Variants in KBTBD3 observed in about 807,000 individuals in gnomAD.
The protein encoded by KBTBD3 is kelch repeat and BTB domain-containing protein 3.
KBTBD3 carries 38 observed loss-of-function variants against 49.6 expected under a neutral mutation model. The observed-to-expected ratio is 0.77, with a 90% CI of 0.59 to 1.00. KBTBD3 has a LOEUF of 1.00. Ranked by LOEUF, KBTBD3 falls within the 50% of genes least tolerant of loss-of-function variation. The pLI, the probability that KBTBD3 is intolerant of heterozygous loss-of-function variation, is 0.00. For missense variants in KBTBD3, 661 were observed against 712.0 expected, an observed-to-expected ratio of 0.93 and a Z score of 0.81; for synonymous variants, 214 against 250.4, an observed-to-expected ratio of 0.85 and a Z score of 1.37.
chr11:106,059,864 G>C (rs1278247399), intron 2 of KBTBD3, among the ~76,000 whole-genome samples: 1 of 152,146 alleles, frequency 6.6e-6, no homozygotes, highest in East Asian at 1.9e-4. Flanking sequence ...AAAGAGGATT[G>C]GGAACTTGGA....
intron 3 of KBTBD3, among the ~76,000 whole-genome samples, chr11:106,057,132 T>C (rs1204080471): frequency 6.6e-6 from 1 of 152,146 alleles, no homozygotes; most frequent in African/African-American, 2.4e-5. Flanking sequence ...CAAGAGCCCC[T>C]ACAGGAACAG....
rs999602216 is a variant in KBTBD3 at position 106,061,194 on chromosome 11, C to T, written c.-12-2085G>A. The stretch of plus-strand genomic sequence containing the variant: ...TGCATGAAGCTTGGTTCTCCCAGAG[C>T]GGGTGTTCCAAGAGGCCTAGGTGGA... On this transcript the variant is annotated intron_variant, in intron 2 of 3. Transcript: ENST00000531837. 4.6e-5 allele frequency among the ~76,000 whole-genome samples: 7 copies of T among 152,102 alleles called. No homozygotes were observed. In the East Asian group the frequency reaches 5.8e-4, roughly 13 times the overall value.
At chr11:106,062,848 A>G (rs1426007881) in intron 2 of KBTBD3, among the ~76,000 whole-genome samples, 2 of 152,244 alleles carry the variant, frequency 1.3e-5, no homozygotes, top group African/African-American at 4.8e-5. Context: ...CTAGGACAGA[A>G]AAAGAGTATT....
chr11:106,058,850 G>C lies in KBTBD3; in HGVS notation c.233+15C>G. 1.4e-6 allele frequency: 2 copies of C among 1,445,480 alleles called. No individual in the cohort carries two copies. The highest frequency in any genetic ancestry group is 1.9e-6 in the Non-Finnish European group (2 of 1,053,076). The allele number at this position is 1,445,480 out of a possible 1,614,324, so 89.5% of individuals were successfully genotyped here. A position where few individuals can be genotyped will look rare whatever the true frequency, so the allele number is the denominator to read the frequency against. On this transcript the variant is annotated intron_variant, in intron 3 of 3. Coordinates refer to ENST00000531837, the MANE Select transcript of KBTBD3 (RefSeq NM_198439.3). Reference sequence around the variant, plus strand: ...TCCAAATCATAAAATCTGAGGCATAGACAAGGTAAAGTACCTGAAAAAGTC... The same window carrying C: ...TCCAAATCATAAAATCTGAGGCATACACAAGGTAAAGTACCTGAAAAAGTC...
intron 3 of KBTBD3, among the ~76,000 whole-genome samples, chr11:106,054,801 G>A (rs774453946): frequency 2.7e-4 from 41 of 152,030 alleles, no homozygotes; most frequent in African/African-American, 8.9e-4. Flanking sequence ...GGATTAATTA[G>A]TAACAGCTGT....
At chr11:106,074,826 T>C (rs547210520) in intron 2 of KBTBD3, among the ~76,000 whole-genome samples, 1 of 152,136 alleles carries the variant, frequency 6.6e-6, no homozygotes, top group Non-Finnish European at 1.5e-5. Flanking sequence ...TGGAGATGGA[T>C]TGGATATAGG....
At chr11:106,057,945 G>C (rs1015122377) in intron 3 of KBTBD3, 1 of 397,382 alleles carries the variant, frequency 2.5e-6, no homozygotes, top group Non-Finnish European at 4.4e-6. Flanking sequence ...ATACAACACA[G>C]GGATCCCCCA....
intron 3 of KBTBD3, among the ~76,000 whole-genome samples, chr11:106,054,807 GC>G (rs1860519682): frequency 1.3e-5 from 2 of 151,972 alleles, no homozygotes; most frequent in African/African-American, 4.8e-5. Flanking sequence ...ATTAGTAACA[GC>G]TGTGCTGGTG....
At chr11:106,064,172 T>A (rs1860759399) in intron 2 of KBTBD3, among the ~76,000 whole-genome samples, 1 of 152,048 alleles carries the variant, frequency 6.6e-6, no homozygotes, top group African/African-American at 2.4e-5. Flanking sequence ...AGTGTCAGAA[T>A]CAAAGGAAAT....
Position 106,065,248 on chromosome 11 carries a change from C to T in KBTBD3, c.-12-6139G>A, listed in dbSNP as rs560678475. On this transcript the variant is annotated intron_variant, in intron 2 of 3. Transcript: ENST00000531837. ...GTCTTGATCTCTTGACCTCGTGATC[C>T]GCCCACCTTGGCCTCCCAAAGTGCT... Among the ~76,000 whole-genome samples the T allele has an allele frequency of 3.9e-5, 6 of 152,248 alleles. No homozygotes were observed. In the South Asian group the frequency reaches 8.3e-4, roughly 21 times the overall value.
chr11:106,064,376 T>C (rs2135012168), intron 2 of KBTBD3, among the ~76,000 whole-genome samples: 1 of 151,332 alleles, frequency 6.6e-6, no homozygotes, highest in Non-Finnish European at 1.5e-5. Context: ...TGAAACCCCG[T>C]CTCTATGAAA....
At chr11:106,076,972 G>T (rs952567062) in intron 1 of KBTBD3, among the ~76,000 whole-genome samples, 1 of 152,192 alleles carries the variant, frequency 6.6e-6, no homozygotes, top group Non-Finnish European at 1.5e-5. Flanking sequence ...GGATCCAGGC[G>T]GGGTCAGTGT....
chr11:106,058,226 T>C (rs1261403719), intron 3 of KBTBD3, among the ~76,000 whole-genome samples: 1 of 151,540 alleles, frequency 6.6e-6, no homozygotes, highest in African/African-American at 2.4e-5. Flanking sequence ...CTACTAAAAA[T>C]ACAAAAAATT....
At chr11:106,065,200 G>A (rs1403263116) in intron 2 of KBTBD3, among the ~76,000 whole-genome samples, 1 of 152,164 alleles carries the variant, frequency 6.6e-6, no homozygotes, top group Admixed American at 6.5e-5. Flanking sequence ...TAGAGACGGG[G>A]TTTCACCATG....
At chr11:106,061,743 C>T (rs1860699289) in intron 2 of KBTBD3, among the ~76,000 whole-genome samples, 1 of 151,918 alleles carries the variant, frequency 6.6e-6, no homozygotes, top group Non-Finnish European at 1.5e-5. Flanking sequence ...TCCATAATCA[C>T]ATGAGCTAAT....
rs1591534889 is a variant in KBTBD3, at chr11:106,058,985, A to AT, written c.112dup (p.Ile38AsnfsTer9). ...TCTAAAATTCTGTAGTACACTTAAG[A>AT]TTTTTTGTCCATGATCTTCTGATAC... On this transcript the variant is annotated frameshift_variant, in exon 3 of 4. Transcript: ENST00000531837. LOFTEE classifies it high-confidence loss of function. The AT allele has an allele frequency of 4.5e-6, 7 of 1,551,760 alleles. No individual in the cohort carries two copies. The highest frequency in any genetic ancestry group is 3.7e-5 in the South Asian group (3 of 80,154).
Position 106,058,873 on chromosome 11 carries a change from G to A in KBTBD3, c.225C>T (p.Asp75=), listed in dbSNP as rs773044495. The change falls in exon 3 of 4, where the codon GAC becomes GAT. Residue 75 remains aspartate (D), a synonymous_variant. Transcript: ENST00000531837. The part of the protein sequence containing the change: ...CHRCVLAACS[D]FFRAMFEVNM... ...TAGACAAGGTAAAGTACCTGAAAAA[G>A]TCACTGCATGCTGCTAACACACAAC... is the stretch of plus-strand genomic sequence containing the variant. 4 of 1,563,024 alleles carry A rather than the reference G, an allele frequency of 2.6e-6. No homozygotes were observed. Among genetic ancestry groups the A allele is most frequent in the Non-Finnish European group, 2.6e-6 (3 of 1,157,580 alleles).
At position 106,058,907 on chromosome 11, in the gene KBTBD3, G is replaced by A. The variant is rs369236490; in HGVS notation, c.191C>T (p.Pro64Leu). Residue 64 changes from proline (P) to leucine (L), a missense_variant, in exon 3 of 4, where the codon CCG becomes CTG. By Grantham distance (98) the Pro-to-Leu change is moderately conservative (BLOSUM62 -3). Transcript: ENST00000531837. ...TGCTGCTAACACACAACGATGACAC[G>A]GGATTATTTCATCTTTCATAATTAT... ...FKIIMKDEII[P>L]CHRCVLAACS... 1.8e-5 allele frequency: 29 copies of A among 1,577,128 alleles called. No individual in the cohort carries two copies. Among genetic ancestry groups the A allele is most frequent in the African/African-American group, 2.8e-5 (2 of 72,240 alleles).
intron 2 of KBTBD3, among the ~76,000 whole-genome samples, chr11:106,059,483 T>C (rs1331556411): frequency 6.6e-6 from 1 of 152,114 alleles, no homozygotes; most frequent in East Asian, 1.9e-4. Flanking sequence ...CCCAACACAA[T>C]CCCCCTCCTT....
Sources: allele counts gnomAD v4.1 joint callset (sites outside exome capture counted in the v4.1 genomes callset), GRCh38; gene constraint gnomAD v4.1.1; transcripts MANE v1.5; gene names NCBI Gene and HGNC (gene_info 2026-07-23, HGNC 2026-07-21).